Variants in MRC1 observed in about 807,000 individuals in gnomAD.
MRC1 encodes macrophage mannose receptor 1.
In MRC1, 62 loss-of-function variants were observed where a neutral mutation model predicts 102.9. The ratio of observed to expected loss-of-function variants is 0.60; its 90% CI spans 0.49 to 0.74. MRC1 has a LOEUF of 0.74. MRC1 is among the 30% of genes least tolerant of loss of function. The pLI, the probability that MRC1 is intolerant of heterozygous loss-of-function variation, is 0.00. For missense variants in MRC1, 1,237 were observed against 862.8 expected (o/e 1.43, Z -5.43); for synonymous variants, 457 against 298.4 (o/e 1.53, Z -5.48).
intron 1 of MRC1, among the ~76,000 whole-genome samples, chr10:17,817,335 T>C (rs937394403): frequency 6.6e-6 from 1 of 152,080 alleles, no homozygotes; most frequent in African/African-American, 2.4e-5. Flanking sequence ...AGATATTGGG[T>C]TGAAACTTAT....
rs917140279 is a variant in MRC1, at chr10:17,870,392, G to T, written c.2111+19G>T. On this transcript the variant is annotated intron_variant, in intron 13 of 29. Coordinates refer to ENST00000569591, the MANE Select transcript of MRC1 (RefSeq NM_002438.4). ...TAATAACGTAAGTGGTATTTTTATG[G>T]ATTCCTCCTTTTTGTTATCTAGTTG... 1,047 of 780,050 alleles carry T rather than the reference G, an allele frequency of 1.3e-3. 21 individuals are homozygous for T. The East Asian group carries it at 0.025, about 18-fold the overall frequency. 48.3% of individuals were successfully genotyped at this position (780,050 alleles called of 1,614,324 possible). A position where few individuals can be genotyped will look rare whatever the true frequency, so the allele number is the denominator to read the frequency against.
chr10:17,810,561 C>T (rs899879515), intron 1 of MRC1, among the ~76,000 whole-genome samples: 5 of 152,128 alleles, frequency 3.3e-5, no homozygotes, highest in Admixed American at 6.5e-5. Flanking sequence ...ACTAGCTTTG[C>T]GACCTTGGGC....
At chr10:17,861,362 A>T (rs1833181764) in intron 9 of MRC1, 25 bp from the exon 10 acceptor site, 2 of 850,548 alleles carry the variant, frequency 2.4e-6, no homozygotes, top group Non-Finnish European at 2.1e-6. Flanking sequence ...CTGCTCATTT[A>T]TTCACTGCTT....
intron 24 of MRC1, among the ~76,000 whole-genome samples, chr10:17,898,922 G>C (rs2130715176): frequency 6.6e-6 from 1 of 152,270 alleles, no homozygotes; most frequent in East Asian, 1.9e-4. Context: ...CCTAGTAGAA[G>C]TAGATATGAC....
In MRC1 at chr10:17,840,592, C is replaced by T. The variant is rs1554839816; in HGVS notation, c.803-101C>T. ...TAGGCATGATTATTGTTACTTCCCT[C>T]AGTGACATTTTGATTCAAGCACTTA... On this transcript the variant is annotated intron_variant, in intron 4 of 29. Coordinates refer to ENST00000569591, the MANE Select transcript of MRC1 (RefSeq NM_002438.4). 5.3e-6 allele frequency: 4 copies of T among 752,520 alleles called. No individual in the cohort carries two copies. In the African/African-American group the frequency reaches 6.9e-5, roughly 13 times the overall value. The allele number at this position is 752,520 out of a possible 1,614,324, so 46.6% of individuals were successfully genotyped here.
intron 8 of MRC1, among the ~76,000 whole-genome samples, chr10:17,855,802 A>G (rs926526868): frequency 2.2e-3 from 328 of 152,254 alleles, no homozygotes; most frequent in African/African-American, 7.8e-3. Flanking sequence ...CTTTCAGTAG[A>G]TGCCGTTTTC....
intron 3 of MRC1, among the ~76,000 whole-genome samples, chr10:17,829,138 T>A (rs1284799673): frequency 2.0e-5 from 3 of 151,530 alleles, no homozygotes; most frequent in Admixed American, 6.6e-5. Flanking sequence ...GCATTCGATA[T>A]GGTCTGGGAT....
At chr10:17,901,263 A>G (rs1833824987) in intron 25 of MRC1, among the ~76,000 whole-genome samples, 2 of 152,242 alleles carry the variant, frequency 1.3e-5, no homozygotes, top group Non-Finnish European at 1.5e-5. Context: ...AATTCTAAAT[A>G]TAGCCTTTAG....
At position 17,866,659 on chromosome 10, in the gene MRC1, C is replaced by T. The variant is rs1833272338; in HGVS notation, c.1881C>T (p.His627=). 5.4e-5 allele frequency: 42 copies of T among 780,854 alleles called. No individual in the cohort carries two copies. The East Asian group carries it at 1.0e-3, about 19-fold the overall frequency. 48.4% of individuals were successfully genotyped at this position (780,854 alleles called of 1,614,324 possible). ...AAAAGGCAAAATTTGTGTGCAAGCA[C>T]TGGGCAGAAGGAGTAACCCACCCAC... ...CDEKAKFVCK[H]WAEGVTHPPK... The change falls in exon 12 of 30, where the codon CAC becomes CAT. Residue 627 remains histidine, a synonymous_variant. Transcript: ENST00000569591.
rs1019445586 is a variant in MRC1, at chr10:17,865,177, A to G, written c.1784-1385A>G. ...AGCTAAAAAATAATAGCTCGAGTCT[A>G]TCAATTTACTACCTGACCTAATATG... On this transcript the variant is annotated intron_variant, in intron 11 of 29. Transcript: ENST00000569591. 2.6e-4 allele frequency among the ~76,000 whole-genome samples: 39 copies of G among 152,358 alleles called. 1 individual carries two copies. The East Asian group carries it at 7.3e-3, about 29-fold the overall frequency.
At chr10:17,830,747 A>G (rs1013803682) in intron 3 of MRC1, among the ~76,000 whole-genome samples, 6 of 151,406 alleles carry the variant, frequency 4.0e-5, no homozygotes, top group African/African-American at 1.2e-4. Context: ...AAATATGTTT[A>G]AATCCCTTGG....
In MRC1 at chr10:17,827,533, T is replaced by G; in HGVS notation, c.464-9T>G. On this transcript the variant is annotated splice_polypyrimidine_tract_variant and intron_variant, in intron 2 of 29. Transcript: ENST00000569591. ...CACATTCCAAGTTCAAGTCAATATG[T>G]TTTTCCAGCCATGTATACGCTACTA... is the stretch of plus-strand genomic sequence containing the variant. The G allele has an allele frequency of 2.6e-6, 2 of 780,772 alleles. No individual in the cohort carries two copies. The highest frequency in any genetic ancestry group is 4.8e-6 in the Non-Finnish European group (2 of 417,938). The allele number at this position is 780,772 out of a possible 1,614,324, so 48.4% of individuals were successfully genotyped here.
At chr10:17,870,796 G>A in intron 13 of MRC1, 52 bp from the exon 14 acceptor site, 1 of 867,630 alleles carries the variant, frequency 1.2e-6, no homozygotes, top group African/African-American at 1.6e-5. Context: ...ATAAGTTACT[G>A]AACTTGCTTC....
At chr10:17,825,673 G>A (rs2130596064) in intron 2 of MRC1, among the ~76,000 whole-genome samples, 1 of 152,344 alleles carries the variant, frequency 6.6e-6, no homozygotes, top group South Asian at 2.1e-4. Flanking sequence ...AATTGAGGCT[G>A]CAGTGAGCCA....
chr10:17,864,089 A>G (rs1833226684), intron 11 of MRC1, among the ~76,000 whole-genome samples: 1 of 151,994 alleles, frequency 6.6e-6, no homozygotes, highest in African/African-American at 2.4e-5. Context: ...TGCAACCTCA[A>G]CCTTCTGGGT....
chr10:17,875,231 A>C lies in MRC1; in HGVS notation c.2528A>C (p.Glu843Ala), dbSNP rs1463143101. Residue 843 changes from glutamate (E) to alanine (A), a missense_variant, in exon 17 of 30, where the codon GAA becomes GCA. By Grantham distance (107) the Glu-to-Ala change is moderately radical. Transcript: ENST00000569591. ...CTTGTTTCTATTCAAAGTGAAAGTGAAAAGAAGTTTCTATGGAAATATGTA... is the reference window on the plus strand; with the variant it reads ...CTTGTTTCTATTCAAAGTGAAAGTGCAAAGAAGTTTCTATGGAAATATGTA... ...GDLVSIQSES[E>A]KKFLWKYVNR... 1 of 780,846 alleles carries C rather than the reference A, an allele frequency of 1.3e-6. No homozygotes were observed. Among genetic ancestry groups the C allele is most frequent in the Admixed American group, 1.7e-5 (1 of 59,022 alleles). The allele number at this position is 780,846 out of a possible 1,614,324, so 48.4% of individuals were successfully genotyped here.
At chr10:17,884,319 T>C (rs963241768) in intron 21 of MRC1, among the ~76,000 whole-genome samples, 2 of 152,156 alleles carry the variant, frequency 1.3e-5, no homozygotes, top group African/African-American at 4.8e-5. Flanking sequence ...CCAAGCACAC[T>C]GAGTATATGG....
At chr10:17,852,245 A>G (rs1042002494) in intron 7 of MRC1, among the ~76,000 whole-genome samples, 9 of 152,292 alleles carry the variant, frequency 5.9e-5, no homozygotes, top group African/African-American at 1.9e-4. Flanking sequence ...TTTTAAATCT[A>G]TATTGGTTGT....
At chr10:17,874,056 G>A (rs1833391961) in intron 16 of MRC1, among the ~76,000 whole-genome samples, 1 of 152,162 alleles carries the variant, frequency 6.6e-6, no homozygotes, top group Non-Finnish European at 1.5e-5. Context: ...CAATTCCAAG[G>A]TCCCAGGTTC....
Sources: allele counts gnomAD v4.1 joint callset (sites outside exome capture counted in the v4.1 genomes callset), GRCh38; gene constraint gnomAD v4.1.1; transcripts MANE v1.5; gene names NCBI Gene and HGNC (gene_info 2026-07-23, HGNC 2026-07-21).